The following KCTD4 variants were observed in gnomAD, a reference collection of about 807,000 sequenced individuals.
KCTD4 encodes potassium channel tetramerization domain containing 4.
A neutral mutation model predicts 18.3 loss-of-function variants in KCTD4; 12 were observed. That is an observed-to-expected ratio of 0.66 (90% confidence interval 0.42 to 1.06). The LOEUF is 1.06. Ranked by LOEUF, KCTD4 falls within the 50% of genes least tolerant of loss-of-function variation. KCTD4 has a pLI of 0.00. For synonymous variants in KCTD4, 124 were observed against 110.5 expected, an observed-to-expected ratio of 1.12 and a Z score of -0.76; for missense variants, 250 against 303.4, an observed-to-expected ratio of 0.82 and a Z score of 1.31.
intron 1 of KCTD4, among the ~76,000 whole-genome samples, chr13:45,200,332 T>G (rs559452358): frequency 6.6e-6 from 1 of 152,296 alleles, no homozygotes; most frequent in East Asian, 1.9e-4. Flanking sequence ...AAATTAAATT[T>G]TATTTTTTGA....
In KCTD4 at chr13:45,194,612, T is replaced by C. The variant is rs777996346; in HGVS notation, c.-45A>G. On this transcript the variant is annotated 5_prime_UTR_variant, in exon 2 of 2. Transcript: ENST00000379108. ...AGCTTGTTCTTCTTGGCTTTGAGAT[T>C]TTTTAAAAAGAGACACTACCACACA... 2 of 1,550,582 alleles carry C rather than the reference T, an allele frequency of 1.3e-6. No homozygotes were observed. Among genetic ancestry groups the C allele is most frequent in the African/African-American group, 2.8e-5 (2 of 72,596 alleles).
intron 1 of KCTD4, among the ~76,000 whole-genome samples, chr13:45,197,116 G>T (rs914746216): frequency 1.1e-4 from 16 of 151,824 alleles, no homozygotes; most frequent in African/African-American, 3.9e-4. Flanking sequence ...GGCAACAGTA[G>T]TATAACTGAA....
chr13:45,196,911 C>G (rs1341240572), intron 1 of KCTD4, among the ~76,000 whole-genome samples: 1 of 152,110 alleles, frequency 6.6e-6, no homozygotes, highest in South Asian at 2.1e-4. Flanking sequence ...CACTTCCTAG[C>G]TCACTCACTT....
intron 1 of KCTD4, among the ~76,000 whole-genome samples, 45 bp downstream of exon 1, chr13:45,200,778 AG>A (rs1483075230): frequency 2.0e-5 from 3 of 152,242 alleles, no homozygotes; most frequent in Non-Finnish European, 1.5e-5. Flanking sequence ...ATGAGAAGAA[AG>A]GAGACTACTA....
At chr13:45,199,882 A>G (rs1024145584) in intron 1 of KCTD4, among the ~76,000 whole-genome samples, 1 of 152,120 alleles carries the variant, frequency 6.6e-6, no homozygotes. Flanking sequence ...TTCAGTGATG[A>G]GGTGGTGTGG....
Position 45,194,610 on chromosome 13 carries a change from A to G in KCTD4, c.-43T>C. ...TCAGCTTGTTCTTCTTGGCTTTGAG[A>G]TTTTTTAAAAAGAGACACTACCACA... On this transcript the variant is annotated 5_prime_UTR_variant, in exon 2 of 2. Coordinates refer to ENST00000379108, the MANE Select transcript of KCTD4 (RefSeq NM_198404.3). 1 of 1,552,986 alleles carries G rather than the reference A, an allele frequency of 6.4e-7. No homozygotes were observed. Among genetic ancestry groups the G allele is most frequent in the Non-Finnish European group, 8.7e-7 (1 of 1,145,558 alleles).
At chr13:45,195,599 G>T (rs894931335) in intron 1 of KCTD4, among the ~76,000 whole-genome samples, 3 of 152,104 alleles carry the variant, frequency 2.0e-5, no homozygotes, top group African/African-American at 7.2e-5. Flanking sequence ...TTTTCAACTT[G>T]GGAGCTGGAA....
At chr13:45,199,098 C>G (rs191757657) in intron 1 of KCTD4, among the ~76,000 whole-genome samples, 4 of 152,204 alleles carry the variant, frequency 2.6e-5, no homozygotes, top group Admixed American at 2.6e-4. Context: ...CAAACTGTGC[C>G]AAGTACTTGA....
At chr13:45,198,423 C>T (rs1873009953) in intron 1 of KCTD4, among the ~76,000 whole-genome samples, 1 of 152,216 alleles carries the variant, frequency 6.6e-6, no homozygotes, top group African/African-American at 2.4e-5. Flanking sequence ...TATGATAATT[C>T]TCCTAGACTT....
In KCTD4 at chr13:45,193,083, T is replaced by G. The variant is rs1435067190; in HGVS notation, c.*705A>C. The stretch of plus-strand genomic sequence containing the variant: ...AGTGACCTGTAACTTTTTATTATAA[T>G]CATTAATACAATCAAAGAAGGTAGC... On this transcript the variant is annotated 3_prime_UTR_variant, in exon 2 of 2. Transcript: ENST00000379108. The G allele has an allele frequency of 6.6e-6, 1 of 152,204 alleles. No individual in the cohort carries two copies. The highest frequency in any genetic ancestry group is 1.5e-5 in the Non-Finnish European group (1 of 68,030). 9.4% of individuals were successfully genotyped at this position (152,204 alleles called of 1,614,324 possible).
In KCTD4 at chr13:45,193,023, A is replaced by G. The variant is rs1253705438; in HGVS notation, c.*765T>C. 6.6e-6 allele frequency: 1 copy of G among 152,224 alleles called. No individual in the cohort carries two copies. The highest frequency in any genetic ancestry group is 1.5e-5 in the Non-Finnish European group (1 of 68,036). 9.4% of individuals were successfully genotyped at this position (152,224 alleles called of 1,614,324 possible). On this transcript the variant is annotated 3_prime_UTR_variant, in exon 2 of 2. Coordinates refer to ENST00000379108, the MANE Select transcript of KCTD4 (RefSeq NM_198404.3). The stretch of plus-strand genomic sequence containing the variant: ...CCGGTTGACATCAATGCATAATTTT[A>G]TGCAAAATCATCAAGTGGTACTGTT...
rs760107154 is a variant in KCTD4, at chr13:45,194,146, G to C, written c.422C>G (p.Thr141Ser). 6.2e-7 allele frequency: 1 copy of C among 1,614,142 alleles called. No homozygotes were observed. The highest frequency in any genetic ancestry group is 8.5e-7 in the Non-Finnish European group (1 of 1,180,014). ...EKEQLTPRETTFLEITDNHDR... is the reference protein window; with the variant it reads ...EKEQLTPRETSFLEITDNHDR... ...GTGGTTATCTGTTATTTCCAAGAAAGTAGTCTCTCTGGGTGTTAGCTGTTC... is the reference window on the plus strand; with the variant it reads ...GTGGTTATCTGTTATTTCCAAGAAACTAGTCTCTCTGGGTGTTAGCTGTTC... The change falls in exon 2 of 2, where the codon ACT (threonine) becomes AGT (serine). Residue 141 changes from threonine (T) to serine (S), a missense_variant. Thr to Ser is a moderately conservative substitution (Grantham distance 58). Coordinates refer to ENST00000379108, the MANE Select transcript of KCTD4 (RefSeq NM_198404.3).
intron 1 of KCTD4, among the ~76,000 whole-genome samples, chr13:45,199,298 T>C (rs1292235584): frequency 2.0e-5 from 3 of 152,258 alleles, no homozygotes; most frequent in Admixed American, 2.0e-4. Flanking sequence ...TAAGGCACTA[T>C]GTGTCAAAAG....
At position 45,193,782 on chromosome 13, in the gene KCTD4, A is replaced by G. The variant is rs1260489312; in HGVS notation, c.*6T>C. ...TGCTTGTTGCCTTTGTTCGTGACACAGGTAATTACTTGATAAAATGAAGTG... is the reference window on the plus strand; with the variant it reads ...TGCTTGTTGCCTTTGTTCGTGACACGGGTAATTACTTGATAAAATGAAGTG... On this transcript the variant is annotated 3_prime_UTR_variant, in exon 2 of 2. Transcript: ENST00000379108. The G allele has an allele frequency of 4.5e-6, 7 of 1,562,980 alleles. No homozygotes were observed. In the African/African-American group the frequency reaches 5.5e-5, roughly 12 times the overall value.
At chr13:45,197,995 AAG>A (rs977214371) in intron 1 of KCTD4, among the ~76,000 whole-genome samples, 23 of 152,368 alleles carry the variant, frequency 1.5e-4, no homozygotes, top group African/African-American at 5.5e-4. Flanking sequence ...AAAAATTTGA[AAG>A]ATTGGGGTCC....
chr13:45,197,876 A>G (rs7338358), intron 1 of KCTD4, among the ~76,000 whole-genome samples: 53,555 of 152,138 alleles, frequency 0.35, 12,882 homozygotes, highest in African/African-American at 0.68. Flanking sequence ...GCTCAATTTA[A>G]TGGTTTCAGC....
chr13:45,199,395 T>C (rs1233033784), intron 1 of KCTD4, among the ~76,000 whole-genome samples: 3 of 152,258 alleles, frequency 2.0e-5, no homozygotes, highest in African/African-American at 7.2e-5. Flanking sequence ...AGAGGCAATC[T>C]TGACAATTTA....
At position 45,193,601 on chromosome 13, in the gene KCTD4, G is replaced by C. The variant is rs1052518259; in HGVS notation, c.*187C>G. ...TTTAGGTGGAAGAGTCTGATCAGTAGGAACACCCCAGAGGAAGGACATCTT... is the reference window on the plus strand; with the variant it reads ...TTTAGGTGGAAGAGTCTGATCAGTACGAACACCCCAGAGGAAGGACATCTT... On this transcript the variant is annotated 3_prime_UTR_variant, in exon 2 of 2. Transcript: ENST00000379108. 2 of 553,868 alleles carry C rather than the reference G, an allele frequency of 3.6e-6. No individual in the cohort carries two copies. The highest frequency in any genetic ancestry group is 3.8e-5 in the African/African-American group (2 of 53,310). The allele number at this position is 553,868 out of a possible 1,614,324, so 34.3% of individuals were successfully genotyped here.
chr13:45,197,161 A>G lies in KCTD4; in HGVS notation c.-187-2407T>C, dbSNP rs536408270. Among the ~76,000 whole-genome samples the G allele has an allele frequency of 6.6e-5, 10 of 151,868 alleles. 1 individual carries two copies. The South Asian group carries it at 2.1e-3, about 32-fold the overall frequency. On this transcript the variant is annotated intron_variant, in intron 1 of 1. Coordinates refer to ENST00000379108, the MANE Select transcript of KCTD4 (RefSeq NM_198404.3). ...TAGTGCCTGGCTTATACAAATCCAT[A>G]GGACTTTTGTGTCCTCTTTGGCCCA...
Sources: allele counts gnomAD v4.1 joint callset (sites outside exome capture counted in the v4.1 genomes callset), GRCh38; gene constraint gnomAD v4.1.1; transcripts MANE v1.5; gene names NCBI Gene and HGNC (gene_info 2026-07-23, HGNC 2026-07-21).